Variants in SOD2 observed in about 807,000 individuals in gnomAD.
SOD2 encodes the protein superoxide dismutase 2.
In SOD2, 11 loss-of-function variants were observed where a neutral mutation model predicts 27.0. The ratio of observed to expected loss-of-function variants is 0.41; its 90% CI spans 0.26 to 0.67. The LOEUF is 0.67. SOD2 is among the 30% of genes least tolerant of loss of function. The pLI, the probability that SOD2 is intolerant of heterozygous loss-of-function variation, is 0.34. For missense variants in SOD2, 250 were observed against 274.5 expected, an observed-to-expected ratio of 0.91 and a Z score of 0.63; for synonymous variants, 105 against 103.0, an observed-to-expected ratio of 1.02 and a Z score of -0.12.
chr6:159,730,338 G>A (rs59089437), upstream of SOD2, among the ~76,000 whole-genome samples: 12,649 of 152,090 alleles, frequency 0.083, 1,165 homozygotes, highest in African/African-American at 0.22. Flanking sequence ...TGGTCATTCT[G>A]TTTTTCTGAT....
At chr6:159,746,408 G>A (rs138863880), upstream of SOD2, among the ~76,000 whole-genome samples, 283 of 152,294 alleles carry the variant, frequency 1.9e-3, no homozygotes, top group African/African-American at 6.4e-3. Flanking sequence ...CAGAGCTGCT[G>A]CATTTACCCT....
intron 1 of SOD2, among the ~76,000 whole-genome samples, chr6:159,710,912 T>TGCTCTGATCACCATAACCACCACTCAACA (rs1777731598): frequency 6.8e-6 from 1 of 146,756 alleles, no homozygotes; most frequent in Non-Finnish European, 1.5e-5. Flanking sequence ...CCACTTACAT[T>TGCTCTGATCACCATAACCACCACTCAACA]GCTCTGATCA....
upstream of SOD2, chr6:159,727,630 C>G (rs980020916): frequency 2.0e-6 from 2 of 985,790 alleles, no homozygotes; most frequent in Non-Finnish European, 2.4e-6. Context: ...GCCCGGGGGG[C>G]CCGGGCGGCA....
chr6:159,706,443 A>AT (rs1454457456), intron 1 of SOD2, among the ~76,000 whole-genome samples: 2 of 152,326 alleles, frequency 1.3e-5, no homozygotes, highest in East Asian at 3.9e-4. Flanking sequence ...CAAGTGGAAT[A>AT]CAAAAAAAGG....
intron 1 of SOD2, among the ~76,000 whole-genome samples, chr6:159,751,928 G>A (rs542557968): frequency 5.9e-5 from 9 of 152,114 alleles, no homozygotes; most frequent in African/African-American, 1.4e-4. Flanking sequence ...GGGGGTGCTC[G>A]TGCACACCTA....
intron 1 of SOD2, chr6:159,753,327 G>T: frequency 8.0e-7 from 1 of 1,254,336 alleles, no homozygotes; most frequent in East Asian, 2.5e-5. Context: ...CAGAAAAGAA[G>T]ATGGTAATTA....
chr6:159,721,709 G>C (rs1344500325), intron 1 of SOD2, among the ~76,000 whole-genome samples: 1 of 88,294 alleles, frequency 1.1e-5, no homozygotes, highest in Non-Finnish European at 2.1e-5. Context: ...TGTATTTTTA[G>C]TAGAGATGGG....
intron 1 of SOD2, among the ~76,000 whole-genome samples, chr6:159,711,227 TC>T (rs1777752060): frequency 1.5e-5 from 1 of 65,486 alleles, no homozygotes. Context: ...CATAACCACC[TC>T]CACAACCACC....
At chr6:159,719,541 AC>A (rs1438542138) in intron 1 of SOD2, among the ~76,000 whole-genome samples, 2 of 149,600 alleles carry the variant, frequency 1.3e-5, no homozygotes, top group Admixed American at 1.3e-4. Context: ...CAGGAGGATC[AC>A]CTGGGCAAAG....
chr6:159,712,822 G>A, intron 1 of SOD2: 1 of 570,252 alleles, frequency 1.8e-6, no homozygotes, highest in Non-Finnish European at 3.5e-6. Flanking sequence ...CCCATCATTT[G>A]CCTACCATAA....
chr6:159,710,059 T>C (rs980603960), intron 1 of SOD2, among the ~76,000 whole-genome samples: 5 of 132,920 alleles, frequency 3.8e-5, no homozygotes, highest in African/African-American at 1.5e-4. Context: ...TAGGTGGGAA[T>C]TGAACAATTG....
upstream of SOD2, among the ~76,000 whole-genome samples, chr6:159,747,515 C>G (rs1031553846): frequency 6.6e-5 from 10 of 152,076 alleles, no homozygotes; most frequent in Non-Finnish European, 1.0e-4. Context: ...GCTTAAGGTC[C>G]TATAGAGTTT....
chr6:159,726,955 G>T, intron 1 of SOD2: 1 of 1,287,308 alleles, frequency 7.8e-7, no homozygotes, highest in South Asian at 1.2e-5. Context: ...ACGGATGAGC[G>T]TCACGAACAC....
intron 1 of SOD2, chr6:159,742,142 T>G: frequency 6.2e-7 from 1 of 1,604,550 alleles, no homozygotes; most frequent in Non-Finnish European, 8.5e-7. Context: ...ACACAGATCT[T>G]AACTGTAAGT....
At chr6:159,713,976 T>G (rs1248904078) in intron 1 of SOD2, 3 of 830,140 alleles carry the variant, frequency 3.6e-6, no homozygotes, top group African/African-American at 3.3e-5. Context: ...CTGCCTTCCG[T>G]GCTCAGCATC....
rs1423213776 is a variant in SOD2 at position 159,669,279 on chromosome 6, A to G, written c.*13214T>C. 2 of 150,348 alleles carry G rather than the reference A, an allele frequency of 1.3e-5. No individual in the cohort carries two copies. Among genetic ancestry groups the G allele is most frequent in the Non-Finnish European group, 2.9e-5 (2 of 68,036 alleles). The allele number at this position is 150,348 out of a possible 1,614,324, so 9.3% of individuals were successfully genotyped here. On this transcript the variant is annotated 3_prime_UTR_variant, in exon 5 of 5. Coordinates refer to ENST00000538183, the MANE Select transcript of SOD2 (RefSeq NM_000636.4). ...TGAAAAGAACGTGTGTTCTGCAGCTATTAGAGTGTTCTGCACCTATTAGAA... is the reference window on the plus strand; with the variant it reads ...TGAAAAGAACGTGTGTTCTGCAGCTGTTAGAGTGTTCTGCACCTATTAGAA...
At chr6:159,729,263 C>T (rs1453110630), upstream of SOD2, among the ~76,000 whole-genome samples, 3 of 152,172 alleles carry the variant, frequency 2.0e-5, no homozygotes, top group Non-Finnish European at 4.4e-5. Context: ...TTAGTAGGTC[C>T]TTCAGCAAAA....
upstream of SOD2, chr6:159,727,684 C>T (rs1778278637): frequency 2.0e-6 from 2 of 983,408 alleles, no homozygotes; most frequent in South Asian, 4.7e-5. Flanking sequence ...GTGGCGCCGG[C>T]GCGGCTTCTG....
chr6:159,726,382 A>G (rs1400714328), intron 1 of SOD2: 2 of 158,476 alleles, frequency 1.3e-5, no homozygotes, highest in East Asian at 3.8e-4. Context: ...GATCTGATTC[A>G]CTGGAAATAT....
Sources: gnomAD v4.1 joint callset for allele counts (sites outside exome capture counted in the v4.1 genomes callset) on GRCh38, gnomAD v4.1.1 for gene constraint, MANE v1.5 for transcripts, NCBI Gene and HGNC (gene_info 2026-07-23, HGNC 2026-07-21) for gene names.